The following FLT3 variants were observed in gnomAD, a reference collection of about 807,000 sequenced individuals.
The protein encoded by FLT3 is fms related receptor tyrosine kinase 3.
In FLT3, 46 loss-of-function variants were observed where a neutral mutation model predicts 126.6. The ratio of observed to expected loss-of-function variants is 0.36; its 90% CI spans 0.29 to 0.46. The LOEUF (loss-of-function observed/expected upper bound fraction) is 0.46, where lower values mean the gene tolerates loss of function less well. Among genes scored for constraint, FLT3 ranks in the 20% least tolerant of loss-of-function variants. The pLI is 1.00. For missense variants in FLT3, 1,069 were observed against 1,190.3 expected (o/e 0.90, Z 1.50); for synonymous variants, 404 against 434.4 (o/e 0.93, Z 0.87).
At chr13:28,092,630 A>T (rs143134776) in intron 1 of FLT3, among the ~76,000 whole-genome samples, 2 of 152,206 alleles carry the variant, frequency 1.3e-5, no homozygotes, top group East Asian at 1.9e-4. Context: ...TCTGGCCTGG[A>T]CTACTGCCAA....
chr13:28,029,395 A>AAAAACAAAAC (rs57346071), intron 15 of FLT3, among the ~76,000 whole-genome samples: 44 of 151,498 alleles, frequency 2.9e-4, no homozygotes, highest in South Asian at 4.2e-4. Context: ...ACTCTGTCTC[A>AAAAACAAAAC]AAAACAAAAC....
intron 3 of FLT3, among the ~76,000 whole-genome samples, chr13:28,059,374 TG>T (rs780807521): frequency 2.0e-5 from 3 of 152,132 alleles, no homozygotes; most frequent in Non-Finnish European, 4.4e-5. Flanking sequence ...GGCATTTAAT[TG>T]ACCTATGTCC....
intron 1 of FLT3, among the ~76,000 whole-genome samples, chr13:28,096,530 A>G (rs9554253): frequency 4.6e-5 from 7 of 151,640 alleles, no homozygotes; most frequent in Non-Finnish European, 7.4e-5. Flanking sequence ...TCTGCCTCCC[A>G]GGCTCAAGTG....
chr13:28,061,693 C>T (rs1197016984), intron 3 of FLT3, among the ~76,000 whole-genome samples, 174 bp downstream of exon 3: 1 of 151,830 alleles, frequency 6.6e-6, no homozygotes, highest in Non-Finnish European at 1.5e-5. Context: ...ATTACTTGAG[C>T]TTGGAAGGTC....
chr13:28,004,313 G>A, intron 23 of FLT3, 139 bp from the exon 24 acceptor site: 1 of 993,296 alleles, frequency 1.0e-6, no homozygotes, highest in South Asian at 1.6e-5. Flanking sequence ...TTGTTTGTTT[G>A]TTTATTTTTT....
chr13:28,057,219 A>G, intron 4 of FLT3, 128 bp downstream of exon 4: 1 of 648,672 alleles, frequency 1.5e-6, no homozygotes, highest in Non-Finnish European at 2.8e-6. Flanking sequence ...GAATCTAATC[A>G]ATCCAACTAC....
intron 1 of FLT3, chr13:28,073,501 GTT>G (rs1269198685): frequency 8.1e-6 from 2 of 245,414 alleles, no homozygotes; most frequent in African/African-American, 4.6e-5. Flanking sequence ...ACTCTGTAAT[GTT>G]TTCTCTCTAG....
At chr13:28,060,344 G>C (rs1448857368) in intron 3 of FLT3, among the ~76,000 whole-genome samples, 1 of 149,724 alleles carries the variant, frequency 6.7e-6, no homozygotes, top group Non-Finnish European at 1.5e-5. Flanking sequence ...ATTGCTTGCA[G>C]CTGGGAGGCA....
At chr13:28,065,872 C>A (rs1876985506) in intron 2 of FLT3, among the ~76,000 whole-genome samples, 1 of 151,698 alleles carries the variant, frequency 6.6e-6, no homozygotes, top group Non-Finnish European at 1.5e-5. Flanking sequence ...TGTGGTGGCT[C>A]ACACCTGTAA....
At chr13:28,015,518 G>T in intron 21 of FLT3, 72 bp downstream of exon 21, 1 of 800,696 alleles carries the variant, frequency 1.2e-6, no homozygotes. Flanking sequence ...TGGGGGGAGG[G>T]GTGGGGCGGC....
chr13:28,062,137 C>G, intron 2 of FLT3, 68 bp from the exon 3 acceptor site: 2 of 1,211,102 alleles, frequency 1.7e-6, no homozygotes, highest in Non-Finnish European at 1.2e-6. Flanking sequence ...TTCTTCACAT[C>G]AAAACTTTAT....
chr13:28,056,129 T>C (rs1875979421), intron 4 of FLT3, among the ~76,000 whole-genome samples: 6 of 152,162 alleles, frequency 3.9e-5, no homozygotes, highest in Admixed American at 3.9e-4. Flanking sequence ...TGCTCTCTTC[T>C]GTTAGTAGCT....
chr13:28,021,704 G>A (rs1872401256), intron 19 of FLT3, among the ~76,000 whole-genome samples: 2 of 151,996 alleles, frequency 1.3e-5, no homozygotes, highest in Non-Finnish European at 2.9e-5. Flanking sequence ...TGGGATTACA[G>A]ACGTACACCA....
chr13:28,015,106 C>CAA (rs775314249), intron 22 of FLT3, 51 bp downstream of exon 22: 1 of 1,149,264 alleles, frequency 8.7e-7, no homozygotes, highest in East Asian at 2.4e-5. Flanking sequence ...TGGAAGTAGA[C>CAA]AGACTGTACC....
chr13:28,075,246 A>G (rs1171404753), intron 1 of FLT3, among the ~76,000 whole-genome samples: 1 of 152,152 alleles, frequency 6.6e-6, no homozygotes, highest in Non-Finnish European at 1.5e-5. Flanking sequence ...AGTGATGTTG[A>G]ACATTTTTTC....
chr13:28,095,886 T>C (rs960409713), intron 1 of FLT3, among the ~76,000 whole-genome samples: 1 of 152,120 alleles, frequency 6.6e-6, no homozygotes, highest in Non-Finnish European at 1.5e-5. Context: ...AGGAATACCC[T>C]CCCAGAGTAA....
At chr13:28,035,231 TA>T (rs2137680411) in intron 12 of FLT3, among the ~76,000 whole-genome samples, 1 of 152,304 alleles carries the variant, frequency 6.6e-6, no homozygotes, top group Non-Finnish European at 1.5e-5. Flanking sequence ...TCTCTAGAGT[TA>T]GATCTTTCCA....
intron 3 of FLT3, 93 bp downstream of exon 3, chr13:28,061,774 A>C (rs1028040572): frequency 5.0e-6 from 5 of 998,312 alleles, no homozygotes; most frequent in Non-Finnish European, 6.0e-6. Context: ...CTGACTCACA[A>C]AAAAAAAAGG....
At chr13:28,049,313 C>T (rs1408521247) in intron 8 of FLT3, 71 bp downstream of exon 8, 2 of 1,346,116 alleles carry the variant, frequency 1.5e-6, no homozygotes, top group Non-Finnish European at 2.1e-6. Context: ...AGAATTTGTA[C>T]CACATACTTC....
Sources: allele counts gnomAD v4.1 joint callset (sites outside exome capture counted in the v4.1 genomes callset), GRCh38; gene constraint gnomAD v4.1.1; transcripts MANE v1.5; gene names NCBI Gene and HGNC (gene_info 2026-07-23, HGNC 2026-07-21).